Variants in LOXHD1 observed in about 807,000 individuals in gnomAD.
The protein encoded by LOXHD1 is lipoxygenase homology domain-containing protein 1.
In LOXHD1, 205 loss-of-function variants were observed where a neutral mutation model predicts 248.2. That is an observed-to-expected ratio of 0.83 (90% CI 0.74 to 0.93). The LOEUF (loss-of-function observed/expected upper bound fraction) is 0.93, where lower values mean the gene tolerates loss of function less well. Among genes scored for constraint, LOXHD1 ranks in the 40% least tolerant of loss-of-function variants. The probability of loss-of-function intolerance (pLI) is 0.00; values close to 1 mark genes in which losing one functional copy is unlikely to be tolerated. For synonymous variants in LOXHD1, 1,113 were observed against 1,162.8 expected, an observed-to-expected ratio of 0.96 and a Z score of 0.87; for missense variants, 2,930 against 2,971.6, an observed-to-expected ratio of 0.99 and a Z score of 0.33.
At chr18:46,525,872 A>G (rs2035804672) in intron 29 of LOXHD1, among the ~76,000 whole-genome samples, 1 of 152,248 alleles carries the variant, frequency 6.6e-6, no homozygotes, top group African/African-American at 2.4e-5. Context: ...GGACAGCAAG[A>G]GGAGGGGATG....
At chr18:46,587,529 C>A (rs572321676) in intron 12 of LOXHD1, among the ~76,000 whole-genome samples, 130 of 152,312 alleles carry the variant, frequency 8.5e-4, no homozygotes, top group Non-Finnish European at 1.4e-3. Context: ...CTCTGAAACA[C>A]CCCAGCCATG....
chr18:46,500,108 C>T (rs1377441962), intron 37 of LOXHD1, among the ~76,000 whole-genome samples: 1 of 152,144 alleles, frequency 6.6e-6, no homozygotes. Context: ...TCCCCCTCCT[C>T]TTCCTTCTTT....
At position 46,477,277 on chromosome 18, in the gene LOXHD1, G is replaced by T; in HGVS notation, c.*195C>A. 1.2e-6 allele frequency: 1 copy of T among 809,378 alleles called. No individual in the cohort carries two copies. The highest frequency in any genetic ancestry group is 2.1e-6 in the Non-Finnish European group (1 of 469,984). 50.1% of individuals were successfully genotyped at this position (809,378 alleles called of 1,614,324 possible). ...TTATTTTTGGGCAGCCACAGATTAT[G>T]ACACATGCTAATTATTATCACTGTA... On this transcript the variant is annotated 3_prime_UTR_variant, in exon 41 of 41. Coordinates refer to ENST00000642948, the MANE Select transcript of LOXHD1 (RefSeq NM_001384474.1).
At chr18:46,497,333 G>A (rs1307471669) in intron 37 of LOXHD1, among the ~76,000 whole-genome samples, 2 of 152,180 alleles carry the variant, frequency 1.3e-5, no homozygotes, top group East Asian at 1.9e-4. Context: ...AGCTGTCCAC[G>A]GTGCTGAACC....
rs888875630 is a variant in LOXHD1 at position 46,522,327 on chromosome 18, G to T, written c.4877-18C>A. 9.7e-6 allele frequency: 15 copies of T among 1,548,268 alleles called. No individual in the cohort carries two copies. The South Asian group carries it at 1.7e-4, about 17-fold the overall frequency. ...GGGAATAACTGCAAGAGATCACGGG[G>T]CTCAGGTTCATAACAGACCAGATAG... On this transcript the variant is annotated intron_variant, in intron 31 of 40. Coordinates refer to ENST00000642948, the MANE Select transcript of LOXHD1 (RefSeq NM_001384474.1).
At chr18:46,551,055 C>A (rs796506514) in intron 21 of LOXHD1, among the ~76,000 whole-genome samples, 37 of 152,044 alleles carry the variant, frequency 2.4e-4, no homozygotes, top group African/African-American at 8.2e-4. Context: ...CTTTCTCATC[C>A]CCTTCTTCAA....
intron 29 of LOXHD1, among the ~76,000 whole-genome samples, chr18:46,527,121 T>C (rs1378030511): frequency 6.6e-6 from 1 of 151,256 alleles, no homozygotes; most frequent in Non-Finnish European, 1.5e-5. Context: ...GACATAACAA[T>C]TGCTGAGAGA....
At chr18:46,520,355 A>T in intron 33 of LOXHD1, 1 of 470,574 alleles carries the variant, frequency 2.1e-6, no homozygotes, top group South Asian at 1.6e-5. Flanking sequence ...ATTCAGTACC[A>T]GAGATAAGGG....
chr18:46,533,687 G>T, intron 27 of LOXHD1: 1 of 329,952 alleles, frequency 3.0e-6, no homozygotes, highest in Non-Finnish European at 5.9e-6. Context: ...ACTTTGAGAG[G>T]CCAAGGCGGG....
At chr18:46,633,164 GC>G (rs1359245781) in intron 4 of LOXHD1, among the ~76,000 whole-genome samples, 1 of 152,154 alleles carries the variant, frequency 6.6e-6, no homozygotes, top group African/African-American at 2.4e-5. Flanking sequence ...ATCCTGAATA[GC>G]CAAAATAATC....
At chr18:46,522,397 G>A in intron 31 of LOXHD1, 88 bp from the exon 32 acceptor site, 2 of 1,082,904 alleles carry the variant, frequency 1.8e-6, no homozygotes, top group East Asian at 5.2e-5. Flanking sequence ...AGTGACCTCT[G>A]AGGGCACTGA....
Position 46,540,335 on chromosome 18 carries a change from C to T in LOXHD1, c.3913+1441G>A, listed in dbSNP as rs774347664. Among the ~76,000 whole-genome samples, 8 of 152,136 alleles carry T rather than the reference C, an allele frequency of 5.3e-5. 1 individual carries two copies. Among genetic ancestry groups the T allele is most frequent in the Non-Finnish European group, 8.8e-5 (6 of 68,040 alleles). Reference sequence around the variant, plus strand: ...ACAGCCCAGGGAGGTGACCACTAGCCCCACAATGGCTTGAAAAGGCCCTCA... The same window carrying T: ...ACAGCCCAGGGAGGTGACCACTAGCTCCACAATGGCTTGAAAAGGCCCTCA... On this transcript the variant is annotated intron_variant, in intron 25 of 40. Coordinates refer to ENST00000642948, the MANE Select transcript of LOXHD1 (RefSeq NM_001384474.1).
At chr18:46,530,935 G>T (rs1045473163) in intron 28 of LOXHD1, among the ~76,000 whole-genome samples, 1 of 152,020 alleles carries the variant, frequency 6.6e-6, no homozygotes, top group Non-Finnish European at 1.5e-5. Flanking sequence ...CTGAGTCTTT[G>T]CCTCCAACCC....
intron 10 of LOXHD1, among the ~76,000 whole-genome samples, chr18:46,592,959 A>G (rs2038199066): frequency 6.6e-6 from 1 of 152,224 alleles, no homozygotes; most frequent in African/African-American, 2.4e-5. Flanking sequence ...GGGCAGTGAA[A>G]CAGACAAAAA....
intron 5 of LOXHD1, among the ~76,000 whole-genome samples, chr18:46,612,204 G>A (rs1269950408): frequency 2.0e-5 from 3 of 152,104 alleles, no homozygotes; most frequent in Non-Finnish European, 2.9e-5. Flanking sequence ...GGACTCTTCT[G>A]TACCTATCTC....
rs748082132 is a variant in LOXHD1 at position 46,477,731 on chromosome 18, C to T, written c.6563G>A (p.Arg2188Gln). 51 of 1,551,818 alleles carry T rather than the reference C, an allele frequency of 3.3e-5. No homozygotes were observed. Among genetic ancestry groups the T allele is most frequent in the African/African-American group, 4.1e-5 (3 of 73,080 alleles). The part of the protein sequence containing the change: ...IFGANGDTGK[R>Q]ELKQKMRNLF... ...GTTGCGCATTTTCTGCTTCAGCTCC[C>T]GCTTGCCTGTGTCTCCGTTGGCCCC... is the stretch of plus-strand genomic sequence containing the variant. The change falls in exon 41 of 41, where the codon CGG becomes CAG. Residue 2188 changes from arginine (R) to glutamine (Q), a missense_variant. By Grantham distance (43) the Arg-to-Gln change is conservative. Coordinates refer to ENST00000642948, the MANE Select transcript of LOXHD1 (RefSeq NM_001384474.1).
chr18:46,566,445 T>C lies in LOXHD1; in HGVS notation c.2249A>G (p.Asn750Ser), dbSNP rs1244413312. Residue 750 changes from asparagine to serine, a missense_variant, in exon 17 of 41, where the codon AAC (asparagine) becomes AGC (serine). Transcript: ENST00000642948. ...TLETLNIGNI[N>S]RLVIGHDSTG... Reference sequence around the variant, plus strand: ...GCTGTCATGCCCAATCACCAGCCGGTTGATCTGAAGGAAACCCGAGTGAGG... The same window carrying C: ...GCTGTCATGCCCAATCACCAGCCGGCTGATCTGAAGGAAACCCGAGTGAGG... 5 of 1,549,250 alleles carry C rather than the reference T, an allele frequency of 3.2e-6. No individual in the cohort carries two copies. The highest frequency in any genetic ancestry group is 3.5e-6 in the Non-Finnish European group (4 of 1,146,896).
At chr18:46,619,960 C>T (rs1342181626) in intron 4 of LOXHD1, among the ~76,000 whole-genome samples, 2 of 152,202 alleles carry the variant, frequency 1.3e-5, no homozygotes, top group African/African-American at 4.8e-5. Flanking sequence ...GAGACTGCAG[C>T]CAGAACCGGA....
chr18:46,538,052 A>T, intron 26 of LOXHD1, 104 bp downstream of exon 26: 1 of 1,018,646 alleles, frequency 9.8e-7, no homozygotes, highest in African/African-American at 1.6e-5. Flanking sequence ...CTCTAATAGC[A>T]GTGCATCAGG....
Sources: allele counts gnomAD v4.1 joint callset (sites outside exome capture counted in the v4.1 genomes callset), GRCh38; gene constraint gnomAD v4.1.1; transcripts MANE v1.5; gene names NCBI Gene and HGNC (gene_info 2026-07-23, HGNC 2026-07-21).